MTMR14: variants seen among roughly 807,000 people sequenced by gnomAD.
The protein encoded by MTMR14 is myotubularin related protein 14, also known as phosphatidylinositol-3,5-bisphosphate 3-phosphatase MTMR14.
In MTMR14, 48 loss-of-function variants were observed where a neutral mutation model predicts 86.3. The ratio of observed to expected loss-of-function variants is 0.56; its 90% CI spans 0.44 to 0.71. The LOEUF (loss-of-function observed/expected upper bound fraction) is 0.71, where lower values mean the gene tolerates loss of function less well. MTMR14 is among the 30% of genes least tolerant of loss of function. The probability of loss-of-function intolerance (pLI) is 0.00; values close to 1 mark genes in which losing one functional copy is unlikely to be tolerated. For synonymous variants in MTMR14, 366 were observed against 326.1 expected, an observed-to-expected ratio of 1.12 and a Z score of -1.32; for missense variants, 780 against 834.6, an observed-to-expected ratio of 0.93 and a Z score of 0.81.
At chr3:9,686,306 T>C (rs2075951412) in intron 13 of MTMR14, among the ~76,000 whole-genome samples, 1 of 151,644 alleles carries the variant, frequency 6.6e-6, no homozygotes, top group Admixed American at 6.6e-5. Context: ...TTTTGGGACT[T>C]TCCCGGAGCT....
intron 3 of MTMR14, among the ~76,000 whole-genome samples, chr3:9,664,977 C>T (rs1200505134): frequency 2.0e-5 from 3 of 151,970 alleles, no homozygotes; most frequent in African/African-American, 7.3e-5. Flanking sequence ...GATTGTTATG[C>T]GTGGTATGCC....
At chr3:9,685,074 G>A (rs893423191) in intron 12 of MTMR14, 110 bp downstream of exon 12, 35 of 1,482,014 alleles carry the variant, frequency 2.4e-5, no homozygotes, top group East Asian at 4.5e-5. Flanking sequence ...TCCACCCCTC[G>A]AGAAGGACCG....
rs1000007810 is a variant in MTMR14, at chr3:9,660,407, C to T, written c.309-1860C>T. Among the ~76,000 whole-genome samples the T allele has an allele frequency of 7.2e-5, 11 of 152,142 alleles. No individual in the cohort carries two copies. The South Asian group carries it at 8.3e-4, about 11-fold the overall frequency. On this transcript the variant is annotated intron_variant, in intron 2 of 18. Transcript: ENST00000296003. ...CTGAGTAGCTGGGATTACAGGCACG[C>T]GCCACCACGCCAGGCTAATTTTTTT...
intron 11 of MTMR14, 79 bp from the exon 12 acceptor site, chr3:9,684,809 G>T: frequency 6.4e-7 from 1 of 1,563,402 alleles, no homozygotes; most frequent in Admixed American, 1.7e-5. Flanking sequence ...TTCAGCCTGC[G>T]TTGTCACTGG....
In MTMR14 at chr3:9,688,106, A is replaced by C. The variant is rs531173240; in HGVS notation, c.1235+215A>C. ...TGCAGGGAAGGCCATGTGGGGGTCA[A>C]CTTGGAGTCACACTAGCAGACAGGC... On this transcript the variant is annotated intron_variant, in intron 14 of 18. Coordinates refer to ENST00000296003, the MANE Select transcript of MTMR14 (RefSeq NM_001077525.3). Among the ~76,000 whole-genome samples the C allele has an allele frequency of 2.6e-5, 4 of 152,298 alleles. No homozygotes were observed. In the East Asian group the frequency reaches 5.8e-4, roughly 22 times the overall value.
intron 4 of MTMR14, among the ~76,000 whole-genome samples, chr3:9,669,145 A>G (rs1233609279): frequency 6.6e-6 from 1 of 152,010 alleles, no homozygotes; most frequent in Non-Finnish European, 1.5e-5. Flanking sequence ...GTCTCAAAAA[A>G]AAAAAAAAAA....
At chr3:9,675,800 G>T in intron 7 of MTMR14, 1 of 426,026 alleles carries the variant, frequency 2.3e-6, no homozygotes, top group Admixed American at 2.6e-5. Flanking sequence ...AGCAGCTAGA[G>T]TTGGGAAAAC....
At chr3:9,687,371 C>T (rs907703333) in intron 13 of MTMR14, among the ~76,000 whole-genome samples, 2 of 151,886 alleles carry the variant, frequency 1.3e-5, no homozygotes, top group South Asian at 2.1e-4. Flanking sequence ...CTGGCTAACA[C>T]GGTGAAACCC....
chr3:9,677,584 C>T lies in MTMR14; in HGVS notation c.822+197C>T, dbSNP rs1269355495. On this transcript the variant is annotated intron_variant, in intron 8 of 18. Coordinates refer to ENST00000296003, the MANE Select transcript of MTMR14 (RefSeq NM_001077525.3). This position sits in a 1 kb window ranked among gnomAD's most constrained non-coding sequence, Gnocchi z 4.2. Reference sequence around the variant, plus strand: ...GTTAAATTTTCATCATTATACTTTCCTCCCCCCTTTATTTCTCTTTTGTTT... The same window carrying T: ...GTTAAATTTTCATCATTATACTTTCTTCCCCCCTTTATTTCTCTTTTGTTT... Among the ~76,000 whole-genome samples, 2 of 151,294 alleles carry T rather than the reference C, an allele frequency of 1.3e-5. No homozygotes were observed. The highest frequency in any genetic ancestry group is 2.9e-5 in the Non-Finnish European group (2 of 67,972).
intron 1 of MTMR14, among the ~76,000 whole-genome samples, chr3:9,650,916 GTAGCT>G (rs986246262): frequency 6.6e-6 from 1 of 151,694 alleles, no homozygotes; most frequent in African/African-American, 2.4e-5. Context: ...AACTTCCCAA[GTAGCT>G]GGGATTACAG....
intron 2 of MTMR14, chr3:9,659,669 C>T (rs555939010): frequency 1.6e-4 from 74 of 454,734 alleles, no homozygotes; most frequent in Non-Finnish European, 2.7e-4. Context: ...GTCTTTACCT[C>T]CTGACCTCAG....
At chr3:9,659,633 G>A (rs1466404572) in intron 2 of MTMR14, 3 of 450,192 alleles carry the variant, frequency 6.7e-6, no homozygotes, top group African/African-American at 4.0e-5. Flanking sequence ...TAGTATAGAC[G>A]GGGTTTCACC....
chr3:9,671,101 T>C lies in MTMR14; in HGVS notation c.608T>C (p.Leu203Pro), dbSNP rs561584810. ...DKVRGYDIKL[L>P]RYLSVKYICD... ...GTCAGAGGCTATGACATCAAGCTGC[T>C]TCGATACCTGTCAGTCAAATACATC... is the stretch of plus-strand genomic sequence containing the variant. Residue 203 changes from leucine (L) to proline (P), a missense_variant, in exon 6 of 19, where the codon CTT becomes CCT. Transcript: ENST00000296003. 4.3e-6 allele frequency: 7 copies of C among 1,614,202 alleles called. No individual in the cohort carries two copies. In the South Asian group the frequency reaches 6.6e-5, roughly 15 times the overall value.
chr3:9,651,723 T>G (rs1408898443), intron 1 of MTMR14, among the ~76,000 whole-genome samples: 1 of 152,088 alleles, frequency 6.6e-6, no homozygotes, highest in East Asian at 1.9e-4. Context: ...TGGAGTGCAG[T>G]GGTGCGATCT....
At position 9,687,875 on chromosome 3, in the gene MTMR14, G is replaced by A. The variant is rs372498357; in HGVS notation, c.1219G>A (p.Ala407Thr). Residue 407 changes from alanine (A) to threonine (T), a missense_variant, in exon 14 of 19, where the codon GCT becomes ACT. Physicochemically the swap from Ala to Thr is moderately conservative, Grantham distance 58 (BLOSUM62 0). Coordinates refer to ENST00000296003, the MANE Select transcript of MTMR14 (RefSeq NM_001077525.3). ...LKHITSEEFSALKTQRRKSLP... is the reference protein window; with the variant it reads ...LKHITSEEFSTLKTQRRKSLP... ...GCATATTACCTCCGAGGAGTTCTCT[G>A]CTCTGAAGACCCAGAGGTAAGTGGA... 32 of 1,588,704 alleles carry A rather than the reference G, an allele frequency of 2.0e-5. No homozygotes were observed. In the African/African-American group the frequency reaches 2.7e-4, roughly 13 times the overall value.
chr3:9,691,394 A>G (rs575262384), intron 17 of MTMR14, among the ~76,000 whole-genome samples: 1 of 152,314 alleles, frequency 6.6e-6, no homozygotes, highest in East Asian at 1.9e-4. Context: ...GTCTGTGCCC[A>G]GCTGTCCTCA....
chr3:9,683,866 T>C (rs554256576), intron 10 of MTMR14: 202 of 157,952 alleles, frequency 1.3e-3, no homozygotes, highest in African/African-American at 4.6e-3. Context: ...CTTGGCCTCA[T>C]GGCTGGCAGC....
intron 2 of MTMR14, among the ~76,000 whole-genome samples, chr3:9,658,737 T>G (rs1262494214): frequency 3.3e-5 from 5 of 152,232 alleles, no homozygotes; most frequent in Admixed American, 2.6e-4. Context: ...TAAGCTCTAC[T>G]TTGTGCCTCT....
chr3:9,662,822 TCA>T (rs887783293), intron 3 of MTMR14, among the ~76,000 whole-genome samples: 1 of 152,228 alleles, frequency 6.6e-6, no homozygotes, highest in African/African-American at 2.4e-5. Flanking sequence ...TTAAAATACA[TCA>T]CCATGTAAAG....
Sources: gnomAD v4.1 joint callset for allele counts (sites outside exome capture counted in the v4.1 genomes callset) on GRCh38, gnomAD v4.1.1 for gene constraint, Gnocchi (gnomAD v3.1) non-coding constraint, MANE v1.5 for transcripts, NCBI Gene and HGNC (gene_info 2026-07-23, HGNC 2026-07-21) for gene names.